The following PDHA1 variants were observed in gnomAD, a reference collection of about 807,000 sequenced individuals.
PDHA1 encodes the protein pyruvate dehydrogenase E1 subunit alpha 1.
A neutral mutation model predicts 33.0 loss-of-function variants in PDHA1; 1 was observed. That is an observed-to-expected ratio of 0.03 (90% CI 0.01 to 0.14). The LOEUF is 0.14. PDHA1 is among the 10% of genes least tolerant of loss of function. PDHA1 has a pLI of 1.00. For missense variants in PDHA1, 168 were observed against 325.1 expected, an observed-to-expected ratio of 0.52 and a Z score of 3.72; for synonymous variants, 123 against 119.2, an observed-to-expected ratio of 1.03 and a Z score of -0.21.
Position 19,345,820 on chromosome X carries a change from G to A in PDHA1, c.57+1726G>A, listed in dbSNP as rs767499183. The A allele has an allele frequency of 3.5e-5, 10 of 286,991 alleles. No homozygotes were observed. In the Middle Eastern group the frequency reaches 5.0e-3, roughly 144 times the overall value. The allele number at this position is 286,991 out of a possible 1,213,427, so 23.7% of individuals were successfully genotyped here. The stretch of plus-strand genomic sequence containing the variant: ...TGAAGTCACCTTTGAAAGTGCCCAG[G>A]TATCTTTCCACTTGGTGGTGTAAAC... On this transcript the variant is annotated intron_variant, in intron 1 of 10. Coordinates refer to ENST00000422285, the MANE Select transcript of PDHA1 (RefSeq NM_000284.4).
rs369283464 is a variant in PDHA1 at position 19,357,040 on chromosome X, G to A, written c.832-612G>A. Among the ~76,000 whole-genome samples the A allele has an allele frequency of 2.9e-3, 325 of 112,423 alleles. 2 individuals carry two copies. The highest frequency in any genetic ancestry group is 9.9e-3 in the African/African-American group (308 of 30,977). On this transcript the variant is annotated intron_variant, in intron 8 of 10. Coordinates refer to ENST00000422285, the MANE Select transcript of PDHA1 (RefSeq NM_000284.4). ...CACACTAGCAAGGTCTGTGAAGTAGGAGTGGCTGCCAGCCCCACAACACAC... is the reference window on the plus strand; with the variant it reads ...CACACTAGCAAGGTCTGTGAAGTAGAAGTGGCTGCCAGCCCCACAACACAC...
rs771438571 is a variant in PDHA1 at position 19,349,928 on chromosome X, C to T, written c.118-9C>T. On this transcript the variant is annotated splice_polypyrimidine_tract_variant and intron_variant, in intron 2 of 10. Transcript: ENST00000422285. Reference sequence around the variant, plus strand: ...TGTGGAGGATAATAACTACCTTATTCCATTTCAGAAATGTGACCTTCACCG... The same window carrying T: ...TGTGGAGGATAATAACTACCTTATTTCATTTCAGAAATGTGACCTTCACCG... 1 of 1,200,937 alleles carries T rather than the reference C, an allele frequency of 8.3e-7. No homozygotes were observed. Among genetic ancestry groups the T allele is most frequent in the Admixed American group, 2.2e-5 (1 of 46,029 alleles).
At chrX:19,345,630 A>G (rs1187410129) in intron 1 of PDHA1, 4 of 128,209 alleles carry the variant, frequency 3.1e-5, no homozygotes, top group African/African-American at 1.4e-4. Context: ...ATCTGTGGGT[A>G]GAGGGCTGTA....
intron 1 of PDHA1, 79 bp downstream of exon 1, chrX:19,344,173 G>C (rs1475715034): frequency 2.3e-5 from 21 of 900,580 alleles, no homozygotes; most frequent in Non-Finnish European, 3.1e-5. Flanking sequence ...GCCAGGCCGG[G>C]CCACCCAGAG....
intron 8 of PDHA1, among the ~76,000 whole-genome samples, chrX:19,356,131 T>C (rs1282758332): frequency 9.0e-6 from 1 of 110,696 alleles, no homozygotes; most frequent in Non-Finnish European, 1.9e-5. Flanking sequence ...ATGTATACAA[T>C]AGGCATTTAA....
At chrX:19,354,695 C>A in intron 6 of PDHA1, 112 bp downstream of exon 6, 1 of 564,705 alleles carries the variant, frequency 1.8e-6, no homozygotes, top group Non-Finnish European at 3.1e-6. Context: ...ATAGCAAGTC[C>A]TATGGCTAGC....
intron 8 of PDHA1, among the ~76,000 whole-genome samples, chrX:19,356,128 C>T (rs1356169067): frequency 1.8e-5 from 2 of 111,056 alleles, no homozygotes; most frequent in Admixed American, 9.6e-5. Flanking sequence ...GTCATGTATA[C>T]AATAGGCATT....
intron 4 of PDHA1, among the ~76,000 whole-genome samples, chrX:19,351,795 GTT>G (rs780357581): frequency 1.3e-5 from 1 of 74,351 alleles, no homozygotes; most frequent in East Asian, 3.7e-4. Context: ...TGTTTTGGTG[GTT>G]TTTTTTTTTT....
chrX:19,346,618 A>G, intron 1 of PDHA1: 1 of 953,577 alleles, frequency 1.0e-6, no homozygotes, highest in Non-Finnish European at 1.3e-6. Flanking sequence ...TCTTAAAACC[A>G]GGCAGGTAGG....
At chrX:19,350,364 C>T (rs1185123728) in intron 3 of PDHA1, among the ~76,000 whole-genome samples, 1 of 111,755 alleles carries the variant, frequency 8.9e-6, no homozygotes, top group Non-Finnish European at 1.9e-5. Context: ...CCACTGGGCT[C>T]AAGCAATCCT....
chrX:19,357,754 G>GGGC, intron 9 of PDHA1, 35 bp downstream of exon 9: 1 of 1,095,408 alleles, frequency 9.1e-7, no homozygotes, highest in Non-Finnish European at 1.3e-6. Context: ...CCATAGGGGT[G>GGGC]GGCTTTGAAT....
In PDHA1 at chrX:19,361,442, G is replaced by C. The variant is rs1174006459; in HGVS notation, c.*1789G>C. 8 of 1,183,077 alleles carry C rather than the reference G, an allele frequency of 6.8e-6. No homozygotes were observed. The highest frequency in any genetic ancestry group is 8.0e-6 in the Non-Finnish European group (7 of 871,488). On this transcript the variant is annotated 3_prime_UTR_variant, in exon 11 of 11. Transcript: ENST00000422285. ...TGAAACAAAGATCAGATCCTTAAGA[G>C]CTGAGCAGCTGTGTAACAACAGCAT...
rs1369790452 is a variant in PDHA1 at position 19,359,523 on chromosome X, A to C, written c.1043A>C (p.Asp348Ala). 1.7e-6 allele frequency: 2 copies of C among 1,210,401 alleles called. No individual in the cohort carries two copies. Among genetic ancestry groups the C allele is most frequent in the Admixed American group, 2.2e-5 (1 of 45,965 alleles). ...IDVEVRKEIE[D>A]AAQFATADPE... ...GTGGAAGTGAGGAAGGAGATTGAGG[A>C]TGCTGCCCAGTTTGCCACGGCCGAT... is the stretch of plus-strand genomic sequence containing the variant. The change falls in exon 11 of 11, where the codon GAT (aspartate) becomes GCT (alanine). Residue 348 changes from aspartate (D) to alanine (A), a missense_variant. By Grantham distance (126) the Asp-to-Ala change is moderately radical. Around this residue, in one of 5 missense-constraint regions of PDHA1, gnomAD observed 58 missense variants for 63.4 expected, o/e 0.92. Transcript: ENST00000422285.
chrX:19,346,743 C>A, intron 1 of PDHA1: 1 of 442,618 alleles, frequency 2.3e-6, no homozygotes. Context: ...TTATAGTTTT[C>A]ATAGTTCTTA....
At chrX:19,344,880 C>T in intron 1 of PDHA1, among the ~76,000 whole-genome samples, 1 of 112,001 alleles carries the variant, frequency 8.9e-6, no homozygotes, top group Non-Finnish European at 1.9e-5. Context: ...AGGTCAGCCT[C>T]TTCAGAAACA....
At chrX:19,345,352 C>A (rs2063123913) in intron 1 of PDHA1, among the ~76,000 whole-genome samples, 1 of 109,685 alleles carries the variant, frequency 9.1e-6, no homozygotes, top group African/African-American at 3.3e-5. Flanking sequence ...AGGTGGATCA[C>A]CTGAGGTCAG....
chrX:19,345,238 G>T (rs1157638208), intron 1 of PDHA1, among the ~76,000 whole-genome samples: 1 of 110,687 alleles, frequency 9.0e-6, no homozygotes, highest in Non-Finnish European at 1.9e-5. Context: ...TTGTCAAAAG[G>T]TAAGAGGTAT....
In PDHA1 at chrX:19,346,717, T is replaced by C. The variant is rs188404777; in HGVS notation, c.58-2595T>C. 7 of 542,245 alleles carry C rather than the reference T, an allele frequency of 1.3e-5. No homozygotes were observed. In the Admixed American group the frequency reaches 3.6e-4, roughly 28 times the overall value. 44.7% of individuals were successfully genotyped at this position (542,245 alleles called of 1,213,427 possible). A position where few individuals can be genotyped will look rare whatever the true frequency, so the allele number is the denominator to read the frequency against. Reference sequence around the variant, plus strand: ...GAAATGAATATCAAGATTGTGTTTTTATTTTTGAATAAGGTTTATAGTTTT... The same window carrying C: ...GAAATGAATATCAAGATTGTGTTTTCATTTTTGAATAAGGTTTATAGTTTT... On this transcript the variant is annotated intron_variant, in intron 1 of 10. Transcript: ENST00000422285.
At position 19,359,727 on chromosome X, in the gene PDHA1, AACCCAGTCAATG is replaced by A. The variant is rs2063251144; in HGVS notation, c.*76_*87del. The A allele has an allele frequency of 1.0e-6, 1 of 961,624 alleles. No individual in the cohort carries two copies. The highest frequency in any genetic ancestry group is 1.9e-5 in the African/African-American group (1 of 52,496). 79.2% of individuals were successfully genotyped at this position (961,624 alleles called of 1,213,427 possible). On this transcript the variant is annotated 3_prime_UTR_variant, in exon 11 of 11. Transcript: ENST00000422285. ...TCTCAACTTGGTTAAGGAGGAAGAA[AACCCAGTCAATG>A]AAATTCAATGAAATTCTTGGAAACT...
Sources: allele counts gnomAD v4.1 joint callset (sites outside exome capture counted in the v4.1 genomes callset), GRCh38; gene constraint gnomAD v4.1.1; regional missense constraint gnomAD v4.1.1; transcripts MANE v1.5; gene names NCBI Gene and HGNC (gene_info 2026-07-23, HGNC 2026-07-21).